Variants in DTL observed in about 807,000 individuals in gnomAD.
DTL encodes denticleless E3 ubiquitin protein ligase adapter.
Under a neutral mutation model 87.0 loss-of-function variants are expected in DTL, and 46 were observed. The observed-to-expected ratio is 0.53, with a 90% CI of 0.42 to 0.68. DTL has a LOEUF of 0.68. DTL is among the 30% of genes least tolerant of loss of function. The pLI is 0.00. For synonymous variants in DTL, 308 were observed against 311.2 expected (o/e 0.99, Z 0.11); for missense variants, 737 against 869.4 (o/e 0.85, Z 1.91).
At chr1:212,094,327 A>C (rs1464309363) in intron 13 of DTL, among the ~76,000 whole-genome samples, 2 of 152,190 alleles carry the variant, frequency 1.3e-5, no homozygotes, top group Non-Finnish European at 2.9e-5. Context: ...GAGGCTTGCC[A>C]GTTATCCCAG....
chr1:212,067,106 A>G (rs1186023644), intron 8 of DTL, among the ~76,000 whole-genome samples: 1 of 152,252 alleles, frequency 6.6e-6, no homozygotes, highest in South Asian at 2.1e-4. Flanking sequence ...CGCTTAGCAC[A>G]TTGTCTAGCA....
intron 3 of DTL, 85 bp from the exon 4 acceptor site, chr1:212,047,066 G>A: frequency 8.0e-7 from 1 of 1,245,560 alleles, no homozygotes; most frequent in Admixed American, 1.8e-5. Context: ...TACTACTACA[G>A]CTTTCCAGGC....
chr1:212,100,581 C>G lies in DTL; in HGVS notation c.1591C>G (p.Leu531Val). Residue 531 changes from leucine (L) to valine (V), a missense_variant, in exon 14 of 15, where the codon CTT becomes GTT. By Grantham distance (32) the Leu-to-Val change is conservative (BLOSUM62 1). Transcript: ENST00000366991. ...CAAGATCATGTCTCCGAGAAAAGCC[C>G]TTATTCCTGTGAGCCAGAAGTCATC... ...ETKIMSPRKA[L>V]IPVSQKSSQA... 1 of 1,614,046 alleles carries G rather than the reference C, an allele frequency of 6.2e-7. No homozygotes were observed. The highest frequency in any genetic ancestry group is 8.5e-7 in the Non-Finnish European group (1 of 1,180,014).
At chr1:212,042,225 T>C (rs1298591880) in intron 1 of DTL, among the ~76,000 whole-genome samples, 1 of 139,138 alleles carries the variant, frequency 7.2e-6, no homozygotes, top group Non-Finnish European at 1.6e-5. Context: ...TCTGAAGATG[T>C]CTTTACTATG....
At chr1:212,088,515 A>G (rs887074473) in intron 13 of DTL, among the ~76,000 whole-genome samples, 2 of 152,218 alleles carry the variant, frequency 1.3e-5, no homozygotes, top group African/African-American at 2.4e-5. Context: ...CTGAGAACCT[A>G]CTTCCCCTGT....
intron 13 of DTL, among the ~76,000 whole-genome samples, chr1:212,089,393 G>A (rs1655220611): frequency 6.6e-6 from 1 of 152,162 alleles, no homozygotes; most frequent in African/African-American, 2.4e-5. Flanking sequence ...GGCAGAACAT[G>A]TACAGATATA....
chr1:212,048,486 C>T (rs1289187572), intron 5 of DTL, among the ~76,000 whole-genome samples: 1 of 152,146 alleles, frequency 6.6e-6, no homozygotes, highest in Non-Finnish European at 1.5e-5. Flanking sequence ...CCACCACACC[C>T]GGCCAAATGG....
chr1:212,083,228 G>A (rs1012913203), intron 13 of DTL, among the ~76,000 whole-genome samples: 2 of 152,074 alleles, frequency 1.3e-5, no homozygotes, highest in South Asian at 4.2e-4. Flanking sequence ...AGAGAGATTG[G>A]GCAGAGAAAC....
rs1405330946 is a variant in DTL at position 212,037,698 on chromosome 1, TA to T, written c.52+1761del. 4.6e-5 allele frequency among the ~76,000 whole-genome samples: 7 copies of T among 152,344 alleles called. No homozygotes were observed. The East Asian group carries it at 1.3e-3, about 29-fold the overall frequency. On this transcript the variant is annotated intron_variant, in intron 1 of 14. Coordinates refer to ENST00000366991, the MANE Select transcript of DTL (RefSeq NM_016448.4). ...TATACATATATTTGAGAAAGATTAATAAAAACAGGTGAGATAATTATCCAAG... is the reference window on the plus strand; with the variant it reads ...TATACATATATTTGAGAAAGATTAATAAAACAGGTGAGATAATTATCCAAG...
chr1:212,053,496 A>ATTTG (rs147463987), intron 5 of DTL, among the ~76,000 whole-genome samples: 8 of 151,882 alleles, frequency 5.3e-5, no homozygotes, highest in Admixed American at 2.0e-4. Context: ...GCTGACCTTC[A>ATTTG]TTTGTTTGTT....
rs528319288 is a variant in DTL at position 212,069,915 on chromosome 1, T to G, written c.922+1212T>G. Among the ~76,000 whole-genome samples, 3 of 152,244 alleles carry G rather than the reference T, an allele frequency of 2.0e-5. No homozygotes were observed. In the South Asian group the frequency reaches 6.2e-4, roughly 32 times the overall value. ...CACCCCAAGCAATCTTATTAGGACTTTAGTATCGGTGGCAGCATCATAGTC... is the reference window on the plus strand; with the variant it reads ...CACCCCAAGCAATCTTATTAGGACTGTAGTATCGGTGGCAGCATCATAGTC... On this transcript the variant is annotated intron_variant, in intron 10 of 14. Coordinates refer to ENST00000366991, the MANE Select transcript of DTL (RefSeq NM_016448.4).
intron 5 of DTL, among the ~76,000 whole-genome samples, chr1:212,048,647 C>T (rs996143356): frequency 6.6e-6 from 1 of 152,034 alleles, no homozygotes; most frequent in South Asian, 2.1e-4. Flanking sequence ...TCTGAATAAG[C>T]TCTTCATTTC....
At position 212,052,643 on chromosome 1, in the gene DTL, C is replaced by CAAA. The variant is rs58890704; in HGVS notation, c.460+5240_460+5242dup. Among the ~76,000 whole-genome samples the CAAA allele has an allele frequency of 1.5e-3, 176 of 115,532 alleles. 1 individual carries two copies. Among genetic ancestry groups the CAAA allele is most frequent in the South Asian group, 4.3e-3 (15 of 3,526 alleles). 75.8% of individuals were successfully genotyped at this position (115,532 alleles called of 152,430 possible). A position where few individuals can be genotyped will look rare whatever the true frequency, so the allele number is the denominator to read the frequency against. ...TGGGCAACAGAGCGAGACTCTGCCT[C>CAAA]AAAAAAAAAAAAAAAAGAAATATTT... On this transcript the variant is annotated intron_variant, in intron 5 of 14. Coordinates refer to ENST00000366991, the MANE Select transcript of DTL (RefSeq NM_016448.4).
intron 13 of DTL, among the ~76,000 whole-genome samples, chr1:212,094,080 T>C (rs1240891815): frequency 1.3e-5 from 2 of 152,270 alleles, no homozygotes; most frequent in African/African-American, 4.8e-5. Flanking sequence ...TTATTTCTTT[T>C]GCTGTGCAGA....
At chr1:212,065,525 T>G (rs1404171977) in intron 7 of DTL, among the ~76,000 whole-genome samples, 1 of 151,876 alleles carries the variant, frequency 6.6e-6, no homozygotes, top group Non-Finnish European at 1.5e-5. Context: ...ACCTTACTCA[T>G]CCCTAAAAAT....
intron 2 of DTL, 37 bp from the exon 3 acceptor site, chr1:212,044,623 G>C: frequency 8.0e-7 from 1 of 1,242,478 alleles, no homozygotes. Context: ...AAAAAATTGT[G>C]TTACTCTATA....
intron 11 of DTL, among the ~76,000 whole-genome samples, chr1:212,077,854 G>A (rs564858692): frequency 2.1e-4 from 32 of 152,106 alleles, no homozygotes; most frequent in Non-Finnish European, 4.1e-4. Context: ...AAGGAATAAG[G>A]GACAATGCCA....
intron 3 of DTL, among the ~76,000 whole-genome samples, chr1:212,046,250 A>C (rs1375996457): frequency 6.6e-6 from 1 of 152,138 alleles, no homozygotes; most frequent in Non-Finnish European, 1.5e-5. Context: ...CTCATGCCAA[A>C]GGGTGCTGAC....
chr1:212,071,515 G>A lies in DTL; in HGVS notation c.923-586G>A, dbSNP rs148634041. ...CACCATTCAGTCTACTCAAAGTGCT[G>A]GATTAAAATGATTCTCACATCCCAC... On this transcript the variant is annotated intron_variant, in intron 10 of 14. Coordinates refer to ENST00000366991, the MANE Select transcript of DTL (RefSeq NM_016448.4). Among the ~76,000 whole-genome samples, 243 of 152,088 alleles carry A rather than the reference G, an allele frequency of 1.6e-3. 1 individual carries two copies. Among genetic ancestry groups the A allele is most frequent in the Non-Finnish European group, 2.5e-3 (172 of 67,994 alleles).
Sources: gnomAD v4.1 joint callset for allele counts (sites outside exome capture counted in the v4.1 genomes callset) on GRCh38, gnomAD v4.1.1 for gene constraint, MANE v1.5 for transcripts, NCBI Gene and HGNC (gene_info 2026-07-23, HGNC 2026-07-21) for gene names.